The following TSBP1 variants were observed in gnomAD, a reference collection of about 807,000 sequenced individuals.
TSBP1 encodes testis expressed basic protein 1, also known as testis-expressed basic protein 1.
In TSBP1, 56 loss-of-function variants were observed where a neutral mutation model predicts 68.8. That is an observed-to-expected ratio of 0.81 (90% CI 0.66 to 1.02). The LOEUF is 1.02. Ranked by LOEUF, TSBP1 falls within the 50% of genes least tolerant of loss-of-function variation. The probability of loss-of-function intolerance (pLI) is 0.00; values close to 1 mark genes in which losing one functional copy is unlikely to be tolerated. For missense variants in TSBP1, 502 were observed against 641.2 expected (o/e 0.78, Z 2.34); for synonymous variants, 171 against 208.7 (o/e 0.82, Z 1.56).
At chr6:32,364,486 T>C (rs1283080767) in intron 6 of TSBP1, among the ~76,000 whole-genome samples, 5 of 151,624 alleles carry the variant, frequency 3.3e-5, no homozygotes, top group Non-Finnish European at 1.5e-5. Context: ...TATTCTTTCT[T>C]GTACTTGATC....
chr6:32,332,598 T>G (rs991099800), intron 14 of TSBP1, among the ~76,000 whole-genome samples: 5 of 149,880 alleles, frequency 3.3e-5, no homozygotes, highest in Admixed American at 6.7e-5. Flanking sequence ...AACCTTCTGT[T>G]TTTTTTTGTT....
rs1765357128 is a variant in TSBP1 at position 32,302,046 on chromosome 6, A to G, written c.601+563T>C. On this transcript the variant is annotated intron_variant, in intron 20 of 22. Transcript: ENST00000612031. The surrounding 1 kb of genome is among the most constrained non-coding windows in gnomAD (Gnocchi z 5.1). ...AAATTCAAATTTCAATGTCTAAAAT[A>G]GTATTTTATTGGGACATACCCATGC... is the stretch of plus-strand genomic sequence containing the variant. Among the ~76,000 whole-genome samples, 1 of 151,648 alleles carries G rather than the reference A, an allele frequency of 6.6e-6. No homozygotes were observed. Among genetic ancestry groups the G allele is most frequent in the Non-Finnish European group, 1.5e-5 (1 of 67,918 alleles).
rs539965241 is a variant in TSBP1, at chr6:32,310,082, C to T, written c.580+5690G>A. On this transcript the variant is annotated intron_variant, in intron 19 of 22. Transcript: ENST00000612031. Reference sequence around the variant, plus strand: ...CAGGTTGTTGCAAATGATAGGATCTCATTCTTGTTTGGATTTCATTCTTGT... The same window carrying T: ...CAGGTTGTTGCAAATGATAGGATCTTATTCTTGTTTGGATTTCATTCTTGT... Among the ~76,000 whole-genome samples, 331 of 152,298 alleles carry T rather than the reference C, an allele frequency of 2.2e-3. 2 individuals carry two copies. The highest frequency in any genetic ancestry group is 7.6e-3 in the African/African-American group (314 of 41,558).
chr6:32,352,016 C>T (rs1359308275), intron 8 of TSBP1, among the ~76,000 whole-genome samples: 3 of 151,954 alleles, frequency 2.0e-5, no homozygotes, highest in African/African-American at 7.2e-5. Context: ...CTATACCTAG[C>T]TAAATTTTCA....
At position 32,304,369 on chromosome 6, in the gene TSBP1, G is replaced by GT. The variant is rs34115112; in HGVS notation, c.581-1741dup. ...GCTAAAAATAAAATAAAACAAATCAGTTTTTTTTTAAATTATGTATTGAGT... is the reference window on the plus strand; with the variant it reads ...GCTAAAAATAAAATAAAACAAATCAGTTTTTTTTTTAAATTATGTATTGAGT... On this transcript the variant is annotated intron_variant, in intron 19 of 22. Coordinates refer to ENST00000612031, the Ensembl canonical transcript of TSBP1. This position sits in a 1 kb window ranked among gnomAD's most constrained non-coding sequence, Gnocchi z 4.8. 0.12 allele frequency among the ~76,000 whole-genome samples: 18,449 copies of GT among 151,398 alleles called. 1,292 individuals carry two copies. The highest frequency in any genetic ancestry group is 0.19 in the African/African-American group (7,823 of 41,248).
intron 15 of TSBP1, among the ~76,000 whole-genome samples, chr6:32,331,145 C>T (rs1176226002): frequency 2.6e-5 from 4 of 152,160 alleles, no homozygotes; most frequent in African/African-American, 9.7e-5. Flanking sequence ...AGCATAACCA[C>T]TTCATTCTTG....
chr6:32,334,053 T>C, intron 14 of TSBP1: 1 of 199,284 alleles, frequency 5.0e-6, no homozygotes, highest in Non-Finnish European at 1.1e-5. Flanking sequence ...CCTCTTGACA[T>C]AAGTTACTAA....
At chr6:32,317,255 A>T (rs191332665) in intron 18 of TSBP1, among the ~76,000 whole-genome samples, 1 of 152,336 alleles carries the variant, frequency 6.6e-6, no homozygotes, top group African/African-American at 2.4e-5. Flanking sequence ...GGCCAGCCAT[A>T]TGCAGAAGAT....
rs1337215125 is a variant in TSBP1, at chr6:32,357,224, A to C, written c.218-1555T>G. Among the ~76,000 whole-genome samples the C allele has an allele frequency of 6.6e-6, 1 of 152,218 alleles. No homozygotes were observed. Among genetic ancestry groups the C allele is most frequent in the African/African-American group, 2.4e-5 (1 of 41,458 alleles). ...GTATGACTTATTGAAACAACAATAAAATGTTTACTGATTCAAGTTTTTCCT... is the reference window on the plus strand; with the variant it reads ...GTATGACTTATTGAAACAACAATAACATGTTTACTGATTCAAGTTTTTCCT... On this transcript the variant is annotated intron_variant, in intron 6 of 22. Coordinates refer to ENST00000612031, the Ensembl canonical transcript of TSBP1. The surrounding 1 kb of genome is among the most constrained non-coding windows in gnomAD (Gnocchi z 4.7).
intron 20 of TSBP1, among the ~76,000 whole-genome samples, chr6:32,301,705 G>GT (rs199641252): frequency 1.1e-4 from 9 of 81,376 alleles, no homozygotes; most frequent in South Asian, 1.5e-3. Flanking sequence ...GTGAAACGCT[G>GT]TTTTAAAAAA....
At chr6:32,318,676 A>G (rs1015324161) in intron 18 of TSBP1, among the ~76,000 whole-genome samples, 9 of 152,326 alleles carry the variant, frequency 5.9e-5, no homozygotes, top group East Asian at 3.9e-4. Context: ...TTCCATTTAT[A>G]TGAAATGTCC....
chr6:32,359,042 A>G lies in TSBP1; in HGVS notation c.218-3373T>C, dbSNP rs890196993. Among the ~76,000 whole-genome samples the G allele has an allele frequency of 9.8e-4, 146 of 148,932 alleles. 1 individual carries two copies. Among genetic ancestry groups the G allele is most frequent in the Middle Eastern group, 7.0e-3 (2 of 286 alleles). On this transcript the variant is annotated intron_variant, in intron 6 of 22. Transcript: ENST00000612031. The stretch of plus-strand genomic sequence containing the variant: ...ACTAACTCGTCATCTAGCATTAGGT[A>G]TATCTCCCAATGCTATCCCTCCCCC...
Position 32,316,940 on chromosome 6 carries a change from A to C in TSBP1, c.560-1148T>G, listed in dbSNP as rs1157072223. Among the ~76,000 whole-genome samples, 1 of 152,096 alleles carries C rather than the reference A, an allele frequency of 6.6e-6. No homozygotes were observed. The highest frequency in any genetic ancestry group is 1.5e-5 in the Non-Finnish European group (1 of 68,002). On this transcript the variant is annotated intron_variant, in intron 18 of 22. Transcript: ENST00000612031. The surrounding 1 kb of genome is among the most constrained non-coding windows in gnomAD (Gnocchi z 4.5). ...TGTGATGTTCTAAAAATACAAAAAA[A>C]TTTCTCCTCCCTATTCTGAGTCAGT... is the stretch of plus-strand genomic sequence containing the variant.
intron 8 of TSBP1, among the ~76,000 whole-genome samples, chr6:32,352,627 A>G (rs1771851574): frequency 6.6e-6 from 1 of 152,002 alleles, no homozygotes; most frequent in Admixed American, 6.5e-5. Flanking sequence ...AAAATTTTAC[A>G]TTGTTAATAT....
chr6:32,350,477 A>G (rs993494113), intron 8 of TSBP1, among the ~76,000 whole-genome samples: 16 of 152,218 alleles, frequency 1.1e-4, no homozygotes, highest in Non-Finnish European at 1.8e-4. Context: ...GAGAAGTAAT[A>G]TATTCAAGAA....
In TSBP1 at chr6:32,336,683, T is replaced by G; in HGVS notation, c.410-48A>C. The G allele has an allele frequency of 6.4e-7, 1 of 1,562,886 alleles. No individual in the cohort carries two copies. Among genetic ancestry groups the G allele is most frequent in the Non-Finnish European group, 8.8e-7 (1 of 1,134,926 alleles). ...GTGTGGTTTGACATTAATAGAATTTTCATTTTACCAGTATTGTTTCTAAAG... is the reference window on the plus strand; with the variant it reads ...GTGTGGTTTGACATTAATAGAATTTGCATTTTACCAGTATTGTTTCTAAAG... On this transcript the variant is annotated intron_variant, in intron 11 of 22. Coordinates refer to ENST00000612031, the Ensembl canonical transcript of TSBP1. The surrounding 1 kb of genome is among the most constrained non-coding windows in gnomAD (Gnocchi z 5.2).
chr6:32,324,825 T>A, intron 16 of TSBP1: 1 of 1,128,578 alleles, frequency 8.9e-7, no homozygotes, highest in African/African-American at 1.6e-5. Flanking sequence ...TCCAGAAAAC[T>A]AATTATCAGC....
chr6:32,304,341 A>G lies in TSBP1; in HGVS notation c.581-1712T>C, dbSNP rs1295210919. Among the ~76,000 whole-genome samples the G allele has an allele frequency of 6.6e-6, 1 of 151,740 alleles. No individual in the cohort carries two copies. Among genetic ancestry groups the G allele is most frequent in the African/African-American group, 2.4e-5 (1 of 41,244 alleles). On this transcript the variant is annotated intron_variant, in intron 19 of 22. Coordinates refer to ENST00000612031, the Ensembl canonical transcript of TSBP1. This position sits in a 1 kb window ranked among gnomAD's most constrained non-coding sequence, Gnocchi z 4.8. ...GAGCTTACTGGTTGCTATTGGACCAATTGCTAAAAATAAAATAAAACAAAT... is the reference window on the plus strand; with the variant it reads ...GAGCTTACTGGTTGCTATTGGACCAGTTGCTAAAAATAAAATAAAACAAAT...
chr6:32,319,513 T>C (rs11968076), intron 18 of TSBP1, among the ~76,000 whole-genome samples: 5,950 of 152,232 alleles, frequency 0.039, 330 homozygotes, highest in African/African-American at 0.12. Context: ...AAATCTGCAA[T>C]TTTTTATTAA....
Sources: gnomAD v4.1 joint callset for allele counts (sites outside exome capture counted in the v4.1 genomes callset) on GRCh38, gnomAD v4.1.1 for gene constraint, Gnocchi (gnomAD v3.1) non-coding constraint, MANE v1.5 for transcripts, NCBI Gene and HGNC (gene_info 2026-07-23, HGNC 2026-07-21) for gene names.